HIVEP3: variants seen among roughly 807,000 people sequenced by gnomAD.
HIVEP3 encodes HIVEP zinc finger 3.
In HIVEP3, 49 loss-of-function variants were observed where a neutral mutation model predicts 152.8. The observed-to-expected ratio is 0.32, with a 90% CI of 0.26 to 0.41. The LOEUF (loss-of-function observed/expected upper bound fraction) is 0.41. HIVEP3 is among the 10% of genes least tolerant of loss of function. HIVEP3 has a pLI of 1.00. For synonymous variants in HIVEP3, 1,269 were observed against 1,289.0 expected, an observed-to-expected ratio of 0.98 and a Z score of 0.33; for missense variants, 2,790 against 3,103.3, an observed-to-expected ratio of 0.90 and a Z score of 2.40.
intron 1 of HIVEP3, among the ~76,000 whole-genome samples, chr1:41,964,075 A>G (rs1645184147): frequency 6.6e-6 from 1 of 152,222 alleles, no homozygotes; most frequent in South Asian, 2.1e-4. Context: ...GGTTTCTGCA[A>G]ATGTAGTTAA....
intron 2 of HIVEP3, among the ~76,000 whole-genome samples, chr1:41,660,765 CTT>C (rs774701232): frequency 2.4e-4 from 36 of 152,338 alleles, no homozygotes; most frequent in Non-Finnish European, 4.4e-4. Context: ...TATTGCAGGA[CTT>C]CTCAGAGCCT....
At chr1:41,563,821 C>T (rs765746681) in intron 5 of HIVEP3, among the ~76,000 whole-genome samples, 1 of 152,044 alleles carries the variant, frequency 6.6e-6, no homozygotes, top group Non-Finnish European at 1.5e-5. Flanking sequence ...TAACAACTAA[C>T]GTTAATAGCC....
intron 1 of HIVEP3, among the ~76,000 whole-genome samples, chr1:41,891,174 T>C (rs1644440446): frequency 6.6e-6 from 1 of 152,074 alleles, no homozygotes; most frequent in Admixed American, 6.5e-5. Flanking sequence ...GTGTCCAAAC[T>C]TGCCAGCCTT....
At chr1:41,897,938 GGAGAGAGAGAGAGAGA>G (rs71065103) in intron 1 of HIVEP3, among the ~76,000 whole-genome samples, 9 of 130,086 alleles carry the variant, frequency 6.9e-5, no homozygotes, top group African/African-American at 1.8e-4. Flanking sequence ...TGAGAGAGAG[GGAGAGAGAGAGAGAGA>G]GAGAGAGAGA....
chr1:41,677,763 G>A (rs80134060), intron 2 of HIVEP3, among the ~76,000 whole-genome samples: 2 of 152,240 alleles, frequency 1.3e-5, no homozygotes, highest in East Asian at 1.9e-4. Flanking sequence ...TGGCTGATGC[G>A]TCTGCTTCCC....
intron 1 of HIVEP3, among the ~76,000 whole-genome samples, chr1:41,761,260 G>A (rs1250978628): frequency 6.6e-6 from 1 of 152,182 alleles, no homozygotes; most frequent in Non-Finnish European, 1.5e-5. Context: ...ATGTATGCAT[G>A]TGCATGTGTA....
At chr1:41,906,019 A>G (rs918852026) in intron 1 of HIVEP3, among the ~76,000 whole-genome samples, 2 of 152,192 alleles carry the variant, frequency 1.3e-5, no homozygotes, top group South Asian at 2.1e-4. Flanking sequence ...TGGATAAAAA[A>G]TCTGTGGTGG....
chr1:41,692,888 T>C (rs1646217870), intron 2 of HIVEP3, among the ~76,000 whole-genome samples: 1 of 152,236 alleles, frequency 6.6e-6, no homozygotes, highest in East Asian at 1.9e-4. Flanking sequence ...CATTATTTGC[T>C]ATTACAAACA....
chr1:41,903,473 A>G (rs959621751), intron 1 of HIVEP3, among the ~76,000 whole-genome samples: 1 of 152,248 alleles, frequency 6.6e-6, no homozygotes, highest in African/African-American at 2.4e-5. Context: ...TGCAGTGAGC[A>G]CTGAGGCCTT....
intron 1 of HIVEP3, among the ~76,000 whole-genome samples, chr1:42,004,881 C>T (rs1645449636): frequency 1.3e-5 from 2 of 152,326 alleles, no homozygotes; most frequent in Middle Eastern, 3.4e-3. Flanking sequence ...TACAGCAACT[C>T]ATTTAGTAAG....
chr1:41,779,621 G>A (rs956129144), intron 1 of HIVEP3, among the ~76,000 whole-genome samples: 32 of 152,186 alleles, frequency 2.1e-4, no homozygotes, highest in African/African-American at 7.5e-4. Flanking sequence ...TCGGCCTCCC[G>A]AATAGCTGGG....
rs199983498 is a variant in HIVEP3 at position 41,513,717 on chromosome 1, C to T, written c.5504G>A (p.Gly1835Glu). 5.5e-5 allele frequency: 88 copies of T among 1,589,874 alleles called. No individual in the cohort carries two copies. In the African/African-American group the frequency reaches 5.9e-4, roughly 11 times the overall value. The change falls in exon 8 of 9, where the codon GGA (glycine) becomes GAA (glutamate). Residue 1835 changes from glycine to glutamate, a missense_variant. By Grantham distance (98) the Gly-to-Glu change is moderately conservative. Around this residue, in one of 9 missense-constraint regions of HIVEP3, gnomAD observed 816 missense variants for 806.5 expected, o/e 1.01. Coordinates refer to ENST00000372583, the MANE Select transcript of HIVEP3 (RefSeq NM_024503.5). ...TSDDLFQDSEGREGSEAVEEH... is the reference protein window; with the variant it reads ...TSDDLFQDSEEREGSEAVEEH... Reference sequence around the variant, plus strand: ...CTCCACAGCCTCTGAACCCTCTCGTCCTTCCGAGTCCTGGAACAGGTCGTC... The same window carrying T: ...CTCCACAGCCTCTGAACCCTCTCGTTCTTCCGAGTCCTGGAACAGGTCGTC...
At chr1:41,565,057 C>T (rs917932316) in intron 5 of HIVEP3, among the ~76,000 whole-genome samples, 8 of 151,992 alleles carry the variant, frequency 5.3e-5, no homozygotes, top group Non-Finnish European at 1.2e-4. Flanking sequence ...TTGGGTGAGG[C>T]GTGAATCTGG....
At chr1:41,538,570 GGTCT>G (rs1643453606) in intron 5 of HIVEP3, among the ~76,000 whole-genome samples, 1 of 152,102 alleles carries the variant, frequency 6.6e-6, no homozygotes, top group African/African-American at 2.4e-5. Flanking sequence ...GCAGCTCAGG[GGTCT>G]AATGCCCAGC....
intron 1 of HIVEP3, among the ~76,000 whole-genome samples, chr1:41,834,251 C>T (rs148643084): frequency 2.0e-5 from 3 of 152,214 alleles, no homozygotes; most frequent in Non-Finnish European, 4.4e-5. Flanking sequence ...TCTGCAGAGA[C>T]CACGGACATC....
chr1:41,550,195 G>A (rs1643880001), intron 5 of HIVEP3, among the ~76,000 whole-genome samples: 1 of 152,118 alleles, frequency 6.6e-6, no homozygotes, highest in Non-Finnish European at 1.5e-5. Context: ...TAGATGTGTG[G>A]TGTTATTTCT....
intron 1 of HIVEP3, among the ~76,000 whole-genome samples, chr1:41,784,405 C>G (rs1257760917): frequency 6.6e-6 from 1 of 152,082 alleles, no homozygotes; most frequent in Non-Finnish European, 1.5e-5. Flanking sequence ...TTTCTCTTTG[C>G]TTTTTTAAAT....
At chr1:41,867,125 G>C (rs574394043) in intron 1 of HIVEP3, among the ~76,000 whole-genome samples, 1 of 152,268 alleles carries the variant, frequency 6.6e-6, no homozygotes, top group Admixed American at 6.5e-5. Context: ...CCCTCTTAGA[G>C]AGGGGACACT....
intron 1 of HIVEP3, among the ~76,000 whole-genome samples, chr1:41,844,204 G>A (rs925122874): frequency 2.6e-5 from 4 of 152,190 alleles, no homozygotes; most frequent in Non-Finnish European, 4.4e-5. Context: ...CTGAGAATCA[G>A]TTCAGCCAAG....
Sources: allele counts gnomAD v4.1 joint callset (sites outside exome capture counted in the v4.1 genomes callset), GRCh38; gene constraint gnomAD v4.1.1; regional missense constraint gnomAD v4.1.1; transcripts MANE v1.5; gene names NCBI Gene and HGNC (gene_info 2026-07-23, HGNC 2026-07-21).